Variants in COPS2 observed in about 807,000 individuals in gnomAD.
COPS2 encodes the protein COP9 signalosome subunit 2, also known as COP9 signalosome complex subunit 2.
Under a neutral mutation model 66.1 loss-of-function variants are expected in COPS2, and 10 were observed. That is an observed-to-expected ratio of 0.15 (90% confidence interval 0.09 to 0.26). The LOEUF (loss-of-function observed/expected upper bound fraction) is 0.26, where lower values mean the gene tolerates loss of function less well. Among genes scored for constraint, COPS2 ranks in the 10% least tolerant of loss-of-function variants. The pLI, the probability that COPS2 is intolerant of heterozygous loss-of-function variation, is 1.00. For missense variants in COPS2, 215 were observed against 513.3 expected (o/e 0.42, Z 5.62); for synonymous variants, 179 against 171.3 (o/e 1.04, Z -0.35).
In COPS2 at chr15:49,127,071, T is replaced by G. The variant is rs1045276312; in HGVS notation, c.*879A>C. On this transcript the variant is annotated 3_prime_UTR_variant, in exon 13 of 13. Transcript: ENST00000388901. Reference sequence around the variant, plus strand: ...CGTTTAAAGTGAACATTCTGAGAGTTAGTATTCTTTTGAAAAGGAATATCA... The same window carrying G: ...CGTTTAAAGTGAACATTCTGAGAGTGAGTATTCTTTTGAAAAGGAATATCA... 1 of 152,104 alleles carries G rather than the reference T, an allele frequency of 6.6e-6. No homozygotes were observed. Among genetic ancestry groups the G allele is most frequent in the African/African-American group, 2.4e-5 (1 of 41,438 alleles). 9.4% of individuals were successfully genotyped at this position (152,104 alleles called of 1,614,324 possible). A position where few individuals can be genotyped will look rare whatever the true frequency, so the allele number is the denominator to read the frequency against.
At chr15:49,130,606 T>C (rs2084200511) in intron 10 of COPS2, 113 bp downstream of exon 10, 1 of 579,298 alleles carries the variant, frequency 1.7e-6, no homozygotes, top group South Asian at 2.8e-5. Context: ...AACATATCTA[T>C]ACTTTGCAAT....
intron 3 of COPS2, among the ~76,000 whole-genome samples, chr15:49,140,463 T>C (rs1276333565): frequency 6.6e-6 from 1 of 152,178 alleles, no homozygotes; most frequent in Non-Finnish European, 1.5e-5. Context: ...AACAATTTTT[T>C]CAAGCCTCAA....
rs2084152821 is a variant in COPS2, at chr15:49,124,868, A to G, written c.*3082T>C. ...TTACAGATCTCTGAGCTTCTTAAAA[A>G]GAGGTAAAGGGAATCCACTAGGCAA... On this transcript the variant is annotated 3_prime_UTR_variant, in exon 13 of 13. Coordinates refer to ENST00000388901, the MANE Select transcript of COPS2 (RefSeq NM_004236.4). 6.6e-6 allele frequency: 1 copy of G among 152,066 alleles called. No individual in the cohort carries two copies. The highest frequency in any genetic ancestry group is 1.5e-5 in the Non-Finnish European group (1 of 68,020). 9.4% of individuals were successfully genotyped at this position (152,066 alleles called of 1,614,324 possible).
intron 1 of COPS2, among the ~76,000 whole-genome samples, chr15:49,146,918 T>G (rs79455310): frequency 0.15 from 23,107 of 152,156 alleles, 2,248 homozygotes; most frequent in Non-Finnish European, 0.21. Flanking sequence ...TTCACTTTGC[T>G]GCAGCCATCC....
At position 49,126,413 on chromosome 15, in the gene COPS2, C is replaced by A. The variant is rs1361924010; in HGVS notation, c.*1537G>T. 6.6e-6 allele frequency: 1 copy of A among 152,284 alleles called. No homozygotes were observed. The highest frequency in any genetic ancestry group is 1.5e-5 in the Non-Finnish European group (1 of 67,892). The allele number at this position is 152,284 out of a possible 1,614,324, so 9.4% of individuals were successfully genotyped here. A position where few individuals can be genotyped will look rare whatever the true frequency, so the allele number is the denominator to read the frequency against. ...AAGCATGCCTTGTTTTAAGTCCATG[C>A]TCCTTCCACTGTTTATAAAATCTGA... On this transcript the variant is annotated 3_prime_UTR_variant, in exon 13 of 13. Transcript: ENST00000388901.
At chr15:49,136,873 C>G (rs907912940) in intron 6 of COPS2, among the ~76,000 whole-genome samples, 1 of 151,936 alleles carries the variant, frequency 6.6e-6, no homozygotes, top group Non-Finnish European at 1.5e-5. Flanking sequence ...CTTGTAGTCC[C>G]AGCTACTTAG....
Position 49,123,172 on chromosome 15 carries a change from C to G in COPS2, c.*4778G>C, listed in dbSNP as rs2084137906. On this transcript the variant is annotated 3_prime_UTR_variant, in exon 13 of 13. Transcript: ENST00000388901. Reference sequence around the variant, plus strand: ...AACATTTGAACAGAAATTAGATACTCAACACTTGGCATTAATATGTTGCTA... The same window carrying G: ...AACATTTGAACAGAAATTAGATACTGAACACTTGGCATTAATATGTTGCTA... The G allele has an allele frequency of 6.6e-6, 1 of 152,138 alleles. No homozygotes were observed. The highest frequency in any genetic ancestry group is 2.1e-4 in the South Asian group (1 of 4,832). The allele number at this position is 152,138 out of a possible 1,614,324, so 9.4% of individuals were successfully genotyped here.
intron 1 of COPS2, among the ~76,000 whole-genome samples, chr15:49,145,751 A>C (rs2084316893): frequency 6.6e-6 from 1 of 152,158 alleles, no homozygotes; most frequent in South Asian, 2.1e-4. Context: ...AAAAAAAACA[A>C]GGCAGAAGGG....
chr15:49,130,271 TA>T (rs2084198433), intron 10 of COPS2, among the ~76,000 whole-genome samples: 1 of 152,180 alleles, frequency 6.6e-6, no homozygotes, highest in African/African-American at 2.4e-5. Context: ...TATAACTTGC[TA>T]AAAACCTCAT....
At chr15:49,154,027 A>G (rs2084384352) in intron 1 of COPS2, among the ~76,000 whole-genome samples, 1 of 152,204 alleles carries the variant, frequency 6.6e-6, no homozygotes, top group Non-Finnish European at 1.5e-5. Context: ...TATCTAGAAG[A>G]GATGACTTTA....
At position 49,137,133 on chromosome 15, in the gene COPS2, A is replaced by G. The variant is rs1486247964; in HGVS notation, c.540+17T>C. The stretch of plus-strand genomic sequence containing the variant: ...TTATTATGAAGAAATATTCAGAAAA[A>G]AATAAGGGAAAGCTACCTGGCACGA... On this transcript the variant is annotated intron_variant, in intron 6 of 12. Transcript: ENST00000388901. 2 of 1,522,664 alleles carry G rather than the reference A, an allele frequency of 1.3e-6. No individual in the cohort carries two copies. The allele number at this position is 1,522,664 out of a possible 1,614,324, so 94.3% of individuals were successfully genotyped here.
At chr15:49,140,762 T>A (rs537392729) in intron 3 of COPS2, among the ~76,000 whole-genome samples, 183 of 152,236 alleles carry the variant, frequency 1.2e-3, no homozygotes, top group African/African-American at 4.2e-3. Context: ...TTTTTTTTTT[T>A]ATCAAAGACA....
intron 1 of COPS2, among the ~76,000 whole-genome samples, chr15:49,152,115 T>A (rs926638322): frequency 6.8e-6 from 1 of 147,860 alleles, no homozygotes; most frequent in Non-Finnish European, 1.5e-5. Context: ...ACATTTTTTA[T>A]AAAAATAAAT....
At chr15:49,153,041 T>C (rs1325983927) in intron 1 of COPS2, among the ~76,000 whole-genome samples, 3 of 152,188 alleles carry the variant, frequency 2.0e-5, no homozygotes, top group Non-Finnish European at 4.4e-5. Flanking sequence ...ACAGTGCTAA[T>C]AAGTTATGTA....
rs761517152 is a variant in COPS2, at chr15:49,127,947, C to G, written c.*3G>C. On this transcript the variant is annotated 3_prime_UTR_variant, in exon 13 of 13. Coordinates refer to ENST00000388901, the MANE Select transcript of COPS2 (RefSeq NM_004236.4). Reference sequence around the variant, plus strand: ...AAGGACGTCTGTAAAAGCTTGTTCTCTGTTAAGCCAGTTTACTGACTACAG... The same window carrying G: ...AAGGACGTCTGTAAAAGCTTGTTCTGTGTTAAGCCAGTTTACTGACTACAG... 2.5e-6 allele frequency: 4 copies of G among 1,613,656 alleles called. No homozygotes were observed. Among genetic ancestry groups the G allele is most frequent in the Non-Finnish European group, 3.4e-6 (4 of 1,179,734 alleles).
At chr15:49,153,549 C>G (rs2084377043) in intron 1 of COPS2, among the ~76,000 whole-genome samples, 9 of 152,070 alleles carry the variant, frequency 5.9e-5, no homozygotes, top group Admixed American at 5.9e-4. Flanking sequence ...TGGGTTTATC[C>G]AAAGGAAAGA....
chr15:49,128,619 A>G (rs17394420), intron 12 of COPS2, 83 bp downstream of exon 12: 177,331 of 956,810 alleles, frequency 0.19, 18,661 homozygotes, highest in Middle Eastern at 0.27. Context: ...TGAATAATCA[A>G]GAATCCAATT....
chr15:49,145,441 G>A (rs955081106), intron 1 of COPS2, among the ~76,000 whole-genome samples: 15 of 152,194 alleles, frequency 9.9e-5, no homozygotes, highest in African/African-American at 3.4e-4. Flanking sequence ...GAAACCTAAC[G>A]TAGATGTGTT....
chr15:49,124,167 T>C lies in COPS2; in HGVS notation c.*3783A>G, dbSNP rs1038118035. Reference sequence around the variant, plus strand: ...GCGGTGGATCGCCTGAGGTCAGGAGTTTGAGACCAGCCTGGCCAACATGGT... The same window carrying C: ...GCGGTGGATCGCCTGAGGTCAGGAGCTTGAGACCAGCCTGGCCAACATGGT... On this transcript the variant is annotated 3_prime_UTR_variant, in exon 13 of 13. Coordinates refer to ENST00000388901, the MANE Select transcript of COPS2 (RefSeq NM_004236.4). The C allele has an allele frequency of 6.6e-6, 1 of 151,654 alleles. No homozygotes were observed. The highest frequency in any genetic ancestry group is 1.5e-5 in the Non-Finnish European group (1 of 67,940). 9.4% of individuals were successfully genotyped at this position (151,654 alleles called of 1,614,324 possible). A position where few individuals can be genotyped will look rare whatever the true frequency, so the allele number is the denominator to read the frequency against.
Sources: allele counts gnomAD v4.1 joint callset (sites outside exome capture counted in the v4.1 genomes callset), GRCh38; gene constraint gnomAD v4.1.1; transcripts MANE v1.5; gene names NCBI Gene and HGNC (gene_info 2026-07-23, HGNC 2026-07-21).